The following ICAM1 variants were observed in gnomAD, a reference collection of about 807,000 sequenced individuals.
ICAM1 encodes ICAM-1.
Under a neutral mutation model 42.3 loss-of-function variants are expected in ICAM1, and 28 were observed. The ratio of observed to expected loss-of-function variants is 0.66; its 90% CI spans 0.49 to 0.91. The LOEUF (loss-of-function observed/expected upper bound fraction) is 0.91, where lower values mean the gene tolerates loss of function less well. Ranked by LOEUF, ICAM1 falls within the 40% of genes least tolerant of loss-of-function variation. The pLI is 0.00. For missense variants in ICAM1, 637 were observed against 688.6 expected (o/e 0.93, Z 0.84); for synonymous variants, 304 against 305.9 (o/e 0.99, Z 0.07).
At chr19:10,272,855 C>T (rs1245327482) in intron 1 of ICAM1, among the ~76,000 whole-genome samples, 2 of 152,094 alleles carry the variant, frequency 1.3e-5, no homozygotes, top group African/African-American at 4.8e-5. Flanking sequence ...TTCTTTCTTA[C>T]CTGCAAGGTA....
intron 2 of ICAM1, 49 bp from the exon 3 acceptor site, chr19:10,283,432 G>A: frequency 6.6e-7 from 1 of 1,504,990 alleles, no homozygotes; most frequent in Non-Finnish European, 8.9e-7. Flanking sequence ...CTGTTAGGCA[G>A]GCAGCAAGGT....
At position 10,284,887 on chromosome 19, in the gene ICAM1, C is replaced by T; in HGVS notation, c.1285C>T (p.Leu429Phe). 6.3e-7 allele frequency: 1 copy of T among 1,596,306 alleles called. No homozygotes were observed. Among genetic ancestry groups the T allele is most frequent in the South Asian group, 1.1e-5 (1 of 88,846 alleles). Residue 429 changes from leucine to phenylalanine, a missense_variant, in exon 6 of 7, where the codon CTC (leucine) becomes TTC (phenylalanine). Transcript: ENST00000264832. This position sits in a 1 kb window ranked among gnomAD's most constrained non-coding sequence, Gnocchi z 5.4. Reference protein sequence around the residue: ...CQAWGNPLPELKCLKDGTFPL... With the variant: ...CQAWGNPLPEFKCLKDGTFPL... ...GGCTTGGGGGAACCCATTGCCCGAG[C>T]TCAAGTGTCTAAAGGATGGCACTTT... is the stretch of plus-strand genomic sequence containing the variant.
chr19:10,275,747 G>A (rs1266617511), intron 2 of ICAM1, among the ~76,000 whole-genome samples: 1 of 131,546 alleles, frequency 7.6e-6, no homozygotes, highest in South Asian at 2.4e-4. Flanking sequence ...TCACTCTGTC[G>A]CCCAGGCTGG....
At position 10,284,459 on chromosome 19, in the gene ICAM1, G is replaced by A; in HGVS notation, c.982G>A (p.Val328Met). ...GCCAGAGGTCTCAGAAGGGACCGAG[G>A]TGACAGTGAAGTGTGAGGCCCACCC... ...TKPEVSEGTE[V>M]TVKCEAHPRA... The change falls in exon 5 of 7, where the codon GTG becomes ATG. Residue 328 changes from valine to methionine, a missense_variant. Val to Met is a conservative substitution (Grantham distance 21). Transcript: ENST00000264832. This position sits in a 1 kb window ranked among gnomAD's most constrained non-coding sequence, Gnocchi z 5.4. 1.2e-6 allele frequency: 2 copies of A among 1,614,028 alleles called. No homozygotes were observed. Among genetic ancestry groups the A allele is most frequent in the South Asian group, 2.2e-5 (2 of 91,080 alleles).
At chr19:10,271,281 C>G (rs1046169102) in intron 1 of ICAM1, 55 bp downstream of exon 1, 4 of 1,511,750 alleles carry the variant, frequency 2.6e-6, no homozygotes, top group Non-Finnish European at 3.7e-6. Flanking sequence ...CCGGGAGGAC[C>G]GGCTCCCGGG....
In ICAM1 at chr19:10,284,127, A is replaced by G. The variant is rs1203831907; in HGVS notation, c.732A>G (p.Pro244=). 1.9e-6 allele frequency: 3 copies of G among 1,613,546 alleles called. No homozygotes were observed. Among genetic ancestry groups the G allele is most frequent in the African/African-American group, 1.3e-5 (1 of 74,754 alleles). Reference sequence around the variant, plus strand: ...TCTGTTCCCTGGACGGGCTGTTCCCAGTCTCGGAGGCCCAGGTCCACCTGG... The same window carrying G: ...TCTGTTCCCTGGACGGGCTGTTCCCGGTCTCGGAGGCCCAGGTCCACCTGG... ...TVVCSLDGLF[P]VSEAQVHLAL... The change falls in exon 4 of 7, where the codon CCA becomes CCG. Residue 244 remains proline, a synonymous_variant. Coordinates refer to ENST00000264832, the MANE Select transcript of ICAM1 (RefSeq NM_000201.3). The surrounding 1 kb of genome is among the most constrained non-coding windows in gnomAD (Gnocchi z 5.4).
At chr19:10,277,737 C>T (rs2040027787) in intron 2 of ICAM1, among the ~76,000 whole-genome samples, 1 of 152,192 alleles carries the variant, frequency 6.6e-6, no homozygotes, top group Non-Finnish European at 1.5e-5. Flanking sequence ...CTGCCCGCCT[C>T]GGCCTCCCAA....
At chr19:10,272,560 CTTT>C (rs1174775027) in intron 1 of ICAM1, among the ~76,000 whole-genome samples, 3 of 56,132 alleles carry the variant, frequency 5.3e-5, no homozygotes, top group Non-Finnish European at 8.4e-5. Context: ...CTTTTCTTTT[CTTT>C]TTTTTTTTTT....
chr19:10,272,925 A>G (rs1461998440), intron 1 of ICAM1, among the ~76,000 whole-genome samples: 3 of 151,932 alleles, frequency 2.0e-5, no homozygotes, highest in African/African-American at 4.8e-5. Context: ...GGGTGGCTAT[A>G]CTCACCCACC....
chr19:10,284,682 C>T lies in ICAM1; in HGVS notation c.1180+25C>T. 1 of 1,613,328 alleles carries T rather than the reference C, an allele frequency of 6.2e-7. No individual in the cohort carries two copies. The highest frequency in any genetic ancestry group is 8.5e-7 in the Non-Finnish European group (1 of 1,179,596). ...TGTGAGTGGGGCTGCTGGTCAATGG[C>T]CCCTATCCCCCAAGGCCCAATCTCC... On this transcript the variant is annotated intron_variant, in intron 5 of 6. Transcript: ENST00000264832. This position sits in a 1 kb window ranked among gnomAD's most constrained non-coding sequence, Gnocchi z 5.4.
intron 1 of ICAM1, among the ~76,000 whole-genome samples, chr19:10,271,437 T>G (rs1425126542): frequency 1.3e-5 from 2 of 151,340 alleles, no homozygotes; most frequent in East Asian, 3.9e-4. Context: ...TAAAAAAGGG[T>G]AGGGGGTTGG....
At chr19:10,280,321 A>G (rs1333833545) in intron 2 of ICAM1, among the ~76,000 whole-genome samples, 1 of 151,662 alleles carries the variant, frequency 6.6e-6, no homozygotes, top group Non-Finnish European at 1.5e-5. Context: ...TTTCTTGACT[A>G]TATATATATA....
At position 10,271,156 on chromosome 19, in the gene ICAM1, C is replaced by A. The variant is rs36086415; in HGVS notation, c.-4C>A. On this transcript the variant is annotated 5_prime_UTR_variant, in exon 1 of 7. Transcript: ENST00000264832. ...CTACTCAGAGTTGCAACCTCAGCCT[C>A]GCTATGGCTCCCAGCAGCCCCCGGC... is the stretch of plus-strand genomic sequence containing the variant. 5.2e-4 allele frequency: 832 copies of A among 1,612,624 alleles called. 9 individuals are homozygous for A. In the African/African-American group the frequency reaches 0.01, roughly 20 times the overall value.
rs146134321 is a variant in ICAM1 at position 10,284,465 on chromosome 19, G to A, written c.988G>A (p.Val330Met). Reference sequence around the variant, plus strand: ...GGTCTCAGAAGGGACCGAGGTGACAGTGAAGTGTGAGGCCCACCCTAGAGC... The same window carrying A: ...GGTCTCAGAAGGGACCGAGGTGACAATGAAGTGTGAGGCCCACCCTAGAGC... ...PEVSEGTEVT[V>M]KCEAHPRAKV... is the part of the protein sequence containing the mutation. Residue 330 changes from valine to methionine, a missense_variant, in exon 5 of 7, where the codon GTG becomes ATG. Val to Met is a conservative substitution (Grantham distance 21). Transcript: ENST00000264832. The surrounding 1 kb of genome is among the most constrained non-coding windows in gnomAD (Gnocchi z 5.4). 1.5e-3 allele frequency: 2,409 copies of A among 1,614,052 alleles called. 12 individuals carry two copies. The highest frequency in any genetic ancestry group is 5.4e-3 in the Middle Eastern group (33 of 6,062).
At position 10,285,411 on chromosome 19, in the gene ICAM1, AGGGC is replaced by A; in HGVS notation, c.*125_*128del. 4.5e-6 allele frequency: 4 copies of A among 879,820 alleles called. No homozygotes were observed. Among genetic ancestry groups the A allele is most frequent in the Non-Finnish European group, 7.0e-6 (4 of 573,334 alleles). The allele number at this position is 879,820 out of a possible 1,614,324, so 54.5% of individuals were successfully genotyped here. On this transcript the variant is annotated 3_prime_UTR_variant, in exon 7 of 7. Transcript: ENST00000264832. The stretch of plus-strand genomic sequence containing the variant: ...TACCGGCCCTGGGACGCCGGAGGAC[AGGGC>A]ATTGTCCTCAGTCAGATACAACAGC...
Position 10,284,699 on chromosome 19 carries a change from C to T in ICAM1, c.1180+42C>T. The T allele has an allele frequency of 6.2e-7, 1 of 1,612,652 alleles. No homozygotes were observed. Among genetic ancestry groups the T allele is most frequent in the Non-Finnish European group, 8.5e-7 (1 of 1,179,454 alleles). Reference sequence around the variant, plus strand: ...GTCAATGGCCCCTATCCCCCAAGGCCCAATCTCCCTGAAGGTCCCATAAGG... The same window carrying T: ...GTCAATGGCCCCTATCCCCCAAGGCTCAATCTCCCTGAAGGTCCCATAAGG... On this transcript the variant is annotated intron_variant, in intron 5 of 6. Transcript: ENST00000264832. The surrounding 1 kb of genome is among the most constrained non-coding windows in gnomAD (Gnocchi z 5.4).
intron 2 of ICAM1, among the ~76,000 whole-genome samples, chr19:10,278,398 T>C (rs2040031452): frequency 6.6e-6 from 1 of 152,050 alleles, no homozygotes; most frequent in Admixed American, 6.6e-5. Flanking sequence ...GGGTAAATGA[T>C]CAAATGATCA....
chr19:10,283,929 G>A (rs779957140), intron 3 of ICAM1, 104 bp from the exon 4 acceptor site: 1 of 1,470,112 alleles, frequency 6.8e-7, no homozygotes, highest in Non-Finnish European at 9.3e-7. Flanking sequence ...CTAGGCTGCT[G>A]AGTGGCCCTG....
chr19:10,280,830 A>G (rs1342936405), intron 2 of ICAM1, among the ~76,000 whole-genome samples: 1 of 149,214 alleles, frequency 6.7e-6, no homozygotes, highest in Non-Finnish European at 1.5e-5. Flanking sequence ...CGGCCTCCCA[A>G]AGTGCTGAGA....
Sources: gnomAD v4.1 joint callset for allele counts (sites outside exome capture counted in the v4.1 genomes callset) on GRCh38, gnomAD v4.1.1 for gene constraint, Gnocchi (gnomAD v3.1) non-coding constraint, MANE v1.5 for transcripts, NCBI Gene and HGNC (gene_info 2026-07-23, HGNC 2026-07-21) for gene names.